Variants in SNTG1 observed in about 807,000 individuals in gnomAD.
The protein encoded by SNTG1 is syntrophin gamma 1, also known as gamma-1-syntrophin.
A neutral mutation model predicts 74.7 loss-of-function variants in SNTG1; 39 were observed. The observed-to-expected ratio is 0.52, with a 90% CI of 0.40 to 0.68. SNTG1 has a LOEUF of 0.68. Among genes scored for constraint, SNTG1 ranks in the 30% least tolerant of loss-of-function variants. The pLI is 0.00. For missense variants in SNTG1, 685 were observed against 609.5 expected, an observed-to-expected ratio of 1.12 and a Z score of -1.30; for synonymous variants, 254 against 217.1, an observed-to-expected ratio of 1.17 and a Z score of -1.49.
intron 1 of SNTG1, among the ~76,000 whole-genome samples, chr8:49,962,332 C>T (rs929110985): frequency 2.6e-5 from 4 of 151,014 alleles, no homozygotes; most frequent in African/African-American, 9.7e-5. Flanking sequence ...ATCTAGGGTG[C>T]CTTATAGCCA....
chr8:50,019,587 G>A (rs916217061), intron 1 of SNTG1, among the ~76,000 whole-genome samples: 3 of 151,996 alleles, frequency 2.0e-5, no homozygotes, highest in Non-Finnish European at 4.4e-5. Flanking sequence ...ATTCATTCAT[G>A]TATCCATGCA....
intron 1 of SNTG1, among the ~76,000 whole-genome samples, chr8:50,079,545 T>A (rs1240797845): frequency 6.6e-6 from 1 of 152,210 alleles, no homozygotes; most frequent in Non-Finnish European, 1.5e-5. Flanking sequence ...TTTCTTTTGC[T>A]GAGCAGAAGC....
At chr8:50,723,746 A>C (rs1348158841) in intron 17 of SNTG1, among the ~76,000 whole-genome samples, 1 of 152,044 alleles carries the variant, frequency 6.6e-6, no homozygotes, top group Non-Finnish European at 1.5e-5. Context: ...CATTACAAGG[A>C]GAGGTGCACA....
intron 17 of SNTG1, among the ~76,000 whole-genome samples, chr8:50,721,658 T>C (rs1027416928): frequency 6.6e-6 from 1 of 152,152 alleles, no homozygotes; most frequent in East Asian, 1.9e-4. Flanking sequence ...AAAAGGTAGG[T>C]CAGAATAAAA....
At chr8:50,542,584 T>A (rs932317305) in intron 11 of SNTG1, among the ~76,000 whole-genome samples, 3 of 152,192 alleles carry the variant, frequency 2.0e-5, no homozygotes, top group Non-Finnish European at 4.4e-5. Context: ...ATATATTGAT[T>A]TCCTTTCTTT....
At chr8:50,178,315 T>G (rs1461365524) in intron 2 of SNTG1, among the ~76,000 whole-genome samples, 1 of 151,938 alleles carries the variant, frequency 6.6e-6, no homozygotes, top group East Asian at 1.9e-4. Flanking sequence ...TACCTCTCCC[T>G]CTTTCCATTC....
chr8:50,364,219 C>A (rs1375582610), intron 2 of SNTG1, among the ~76,000 whole-genome samples: 1 of 152,190 alleles, frequency 6.6e-6, no homozygotes, highest in Non-Finnish European at 1.5e-5. Flanking sequence ...CCCTGGCAAG[C>A]CACACCCGCT....
chr8:50,492,430 A>G (rs1022706049), intron 8 of SNTG1, among the ~76,000 whole-genome samples: 2 of 152,122 alleles, frequency 1.3e-5, no homozygotes, highest in South Asian at 2.1e-4. Flanking sequence ...AGTGATTGCT[A>G]TTCTAACCGG....
chr8:50,408,256 TTTAAA>T (rs1462675658), intron 4 of SNTG1, among the ~76,000 whole-genome samples: 60 of 26,062 alleles, frequency 2.3e-3, no homozygotes, highest in African/African-American at 7.7e-3. Context: ...TCATCCTTGC[TTTAAA>T]GTTCCTTGCT....
intron 13 of SNTG1, among the ~76,000 whole-genome samples, chr8:50,651,558 A>C (rs554314353): frequency 1.1e-4 from 17 of 151,590 alleles, no homozygotes; most frequent in African/African-American, 4.1e-4. Flanking sequence ...CCCAGGTTCA[A>C]GCGATTCTCC....
intron 15 of SNTG1, among the ~76,000 whole-genome samples, chr8:50,666,121 T>C (rs543452384): frequency 2.0e-3 from 309 of 152,232 alleles, no homozygotes; most frequent in African/African-American, 7.2e-3. Context: ...TCTAATGTAA[T>C]GTAAAGGAGA....
rs1432928349 is a variant in SNTG1, at chr8:50,658,646, A to C, written c.1021A>C (p.Met341Leu). The change falls in exon 15 of 19, where the codon ATG becomes CTG. Residue 341 changes from methionine (M) to leucine (L), a missense_variant. Met to Leu is a conservative substitution (Grantham distance 15, BLOSUM62 2). Transcript: ENST00000642720. ...GAAAACATTCTCAGTTTATGAGATT[A>C]TGTGCAAGATCCTCAAGGTATGATC... ...AEKTFSVYEI[M>L]CKILKDSDLL... 1 of 1,610,396 alleles carries C rather than the reference A, an allele frequency of 6.2e-7. No individual in the cohort carries two copies. Among genetic ancestry groups the C allele is most frequent in the African/African-American group, 1.3e-5 (1 of 74,808 alleles).
chr8:49,984,406 T>A (rs536229365), intron 1 of SNTG1, among the ~76,000 whole-genome samples: 2 of 152,274 alleles, frequency 1.3e-5, no homozygotes, highest in South Asian at 4.1e-4. Context: ...GGTTTCACCA[T>A]GTTGCCCAGG....
intron 1 of SNTG1, among the ~76,000 whole-genome samples, chr8:50,038,023 T>C (rs1158890425): frequency 6.6e-6 from 1 of 152,130 alleles, no homozygotes; most frequent in African/African-American, 2.4e-5. Flanking sequence ...CAGAAACTCC[T>C]TCCACACTCC....
chr8:50,122,663 G>A lies in SNTG1; in HGVS notation c.-102-49898G>A, dbSNP rs1250626324. Among the ~76,000 whole-genome samples the A allele has an allele frequency of 2.1e-5, 3 of 141,824 alleles. 1 individual carries two copies. Among genetic ancestry groups the A allele is most frequent in the Non-Finnish European group, 4.7e-5 (3 of 63,768 alleles). The allele number at this position is 141,824 out of a possible 152,430, so 93.0% of individuals were successfully genotyped here. ...GGGAAGATGGTTGGCAGCATAAGGA[G>A]GCACTGTGACTTCAATAGAGGCAGG... On this transcript the variant is annotated intron_variant, in intron 1 of 18. Coordinates refer to ENST00000642720, the MANE Select transcript of SNTG1 (RefSeq NM_018967.5).
intron 1 of SNTG1, among the ~76,000 whole-genome samples, chr8:50,058,425 T>C (rs967066691): frequency 6.6e-6 from 1 of 152,078 alleles, no homozygotes; most frequent in Non-Finnish European, 1.5e-5. Context: ...CTATTTCCTA[T>C]AAGGAAGCTG....
At chr8:50,463,700 C>A (rs946186547) in intron 8 of SNTG1, among the ~76,000 whole-genome samples, 1 of 152,082 alleles carries the variant, frequency 6.6e-6, no homozygotes, top group Non-Finnish European at 1.5e-5. Context: ...TTCTTAAAGT[C>A]GCTAGCATTT....
At chr8:50,509,988 G>A (rs2094051907) in intron 9 of SNTG1, among the ~76,000 whole-genome samples, 1 of 152,118 alleles carries the variant, frequency 6.6e-6, no homozygotes, top group African/African-American at 2.4e-5. Flanking sequence ...TCCCTGTCTT[G>A]TGCCAGTATT....
intron 1 of SNTG1, among the ~76,000 whole-genome samples, chr8:49,952,640 A>T (rs926291831): frequency 2.0e-5 from 3 of 152,196 alleles, no homozygotes; most frequent in Non-Finnish European, 4.4e-5. Context: ...AGCCACCAAA[A>T]AGTATCTGAC....
Sources: gnomAD v4.1 joint callset for allele counts (sites outside exome capture counted in the v4.1 genomes callset) on GRCh38, gnomAD v4.1.1 for gene constraint, MANE v1.5 for transcripts, NCBI Gene and HGNC (gene_info 2026-07-23, HGNC 2026-07-21) for gene names.